The following LRRTM4 variants were observed in gnomAD, a reference collection of about 807,000 sequenced individuals.
LRRTM4 encodes leucine-rich repeat transmembrane neuronal protein 4.
LRRTM4 carries 25 observed loss-of-function variants against 47.6 expected under a neutral mutation model. The observed-to-expected ratio is 0.53, with a 90% CI of 0.38 to 0.73. The LOEUF (loss-of-function observed/expected upper bound fraction) is 0.73. Ranked by LOEUF, LRRTM4 falls within the 30% of genes least tolerant of loss-of-function variation. The pLI is 0.00. For missense variants in LRRTM4, 638 were observed against 713.4 expected, an observed-to-expected ratio of 0.89 and a Z score of 1.20; for synonymous variants, 311 against 269.5, an observed-to-expected ratio of 1.15 and a Z score of -1.51.
At chr2:76,896,507 A>C (rs998308584) in intron 3 of LRRTM4, among the ~76,000 whole-genome samples, 6 of 152,044 alleles carry the variant, frequency 3.9e-5, no homozygotes, top group African/African-American at 1.4e-4. Flanking sequence ...TTATGTCAGA[A>C]GCAACTTTTC....
intron 3 of LRRTM4, among the ~76,000 whole-genome samples, chr2:77,514,569 T>C (rs1444344890): frequency 6.6e-6 from 1 of 152,040 alleles, no homozygotes; most frequent in Non-Finnish European, 1.5e-5. Context: ...TACACCTATA[T>C]TGTCACCTTT....
chr2:76,918,372 A>C (rs1674323859), intron 3 of LRRTM4, among the ~76,000 whole-genome samples: 1 of 152,160 alleles, frequency 6.6e-6, no homozygotes, highest in Non-Finnish European at 1.5e-5. Context: ...CTTTCTGTCA[A>C]CTCAGGTTTA....
In LRRTM4 at chr2:76,910,241, G is replaced by C. The variant is rs544101290; in HGVS notation, c.1552-161325C>G. 2.2e-3 allele frequency among the ~76,000 whole-genome samples: 333 copies of C among 150,870 alleles called. 6 individuals carry two copies. The highest frequency in any genetic ancestry group is 7.6e-3 in the African/African-American group (313 of 41,122). On this transcript the variant is annotated intron_variant, in intron 3 of 3. Transcript: ENST00000409884. ...AATCATCATTCTCAGCAAACTATCG[G>C]AAGAACAAAAAACCAAACACTGCAT...
At chr2:76,974,213 C>G in intron 3 of LRRTM4, among the ~76,000 whole-genome samples, 1 of 126,426 alleles carries the variant, frequency 7.9e-6, no homozygotes, top group East Asian at 2.1e-4. Flanking sequence ...TATATATACA[C>G]ATATATATAC....
intron 3 of LRRTM4, among the ~76,000 whole-genome samples, chr2:77,227,991 C>T (rs1047742282): frequency 5.3e-5 from 8 of 151,684 alleles, no homozygotes; most frequent in Non-Finnish European, 8.8e-5. Flanking sequence ...ATATCATCTA[C>T]GAGTTATCAG....
chr2:77,090,730 C>A (rs1049495478), intron 3 of LRRTM4, among the ~76,000 whole-genome samples: 7 of 152,164 alleles, frequency 4.6e-5, no homozygotes, highest in Non-Finnish European at 7.3e-5. Context: ...CCATTTGTGC[C>A]AGACCCCACT....
intron 3 of LRRTM4, among the ~76,000 whole-genome samples, chr2:76,913,840 C>G (rs1238221469): frequency 1.3e-5 from 2 of 151,876 alleles, no homozygotes; most frequent in African/African-American, 2.4e-5. Context: ...TGCCCAGCCG[C>G]TATTTCAATT....
At chr2:77,185,030 G>C (rs1673462196) in intron 3 of LRRTM4, among the ~76,000 whole-genome samples, 1 of 152,054 alleles carries the variant, frequency 6.6e-6, no homozygotes, top group African/African-American at 2.4e-5. Flanking sequence ...GTACAGCCAG[G>C]AATGAAAATC....
At chr2:77,033,535 A>T (rs938253894) in intron 3 of LRRTM4, among the ~76,000 whole-genome samples, 2 of 151,934 alleles carry the variant, frequency 1.3e-5, no homozygotes, top group Non-Finnish European at 2.9e-5. Flanking sequence ...TATCAATTTT[A>T]TTGAAGGAGG....
chr2:77,136,576 C>T (rs1671950299), intron 3 of LRRTM4, among the ~76,000 whole-genome samples: 1 of 152,184 alleles, frequency 6.6e-6, no homozygotes, highest in Non-Finnish European at 1.5e-5. Flanking sequence ...CGCCTCTCCC[C>T]TTCCAAAGGA....
intron 3 of LRRTM4, among the ~76,000 whole-genome samples, chr2:76,767,628 G>A (rs1369250772): frequency 6.6e-6 from 1 of 152,126 alleles, no homozygotes. Context: ...GATTTTCAGG[G>A]TAGCATTCAA....
At chr2:76,841,404 A>G (rs921453055) in intron 3 of LRRTM4, among the ~76,000 whole-genome samples, 2 of 152,034 alleles carry the variant, frequency 1.3e-5, no homozygotes, top group African/African-American at 4.8e-5. Context: ...GTGCACATGT[A>G]CCCTAAAACT....
At chr2:76,940,885 CTT>C (rs964612221) in intron 3 of LRRTM4, among the ~76,000 whole-genome samples, 3 of 152,118 alleles carry the variant, frequency 2.0e-5, no homozygotes, top group African/African-American at 7.2e-5. Flanking sequence ...TCTCTCTTTT[CTT>C]TGTTTTGTTG....
intron 3 of LRRTM4, among the ~76,000 whole-genome samples, chr2:76,780,662 A>C (rs1262789308): frequency 6.6e-6 from 1 of 152,044 alleles, no homozygotes; most frequent in African/African-American, 2.4e-5. Flanking sequence ...ACATTCTTCT[A>C]AATTTTTTTC....
intron 3 of LRRTM4, among the ~76,000 whole-genome samples, chr2:76,867,966 C>T (rs1672512067): frequency 6.6e-6 from 1 of 152,116 alleles, no homozygotes; most frequent in Non-Finnish European, 1.5e-5. Flanking sequence ...GAGATCAATT[C>T]TATGAGAACT....
At chr2:77,411,424 C>CTT (rs72056870) in intron 3 of LRRTM4, among the ~76,000 whole-genome samples, 16,138 of 94,296 alleles carry the variant, frequency 0.17, 1,887 homozygotes, top group East Asian at 0.44. Flanking sequence ...TTTCTTGTTT[C>CTT]TCTCTCTCTC....
chr2:77,021,439 T>A (rs1432137710), intron 3 of LRRTM4, among the ~76,000 whole-genome samples: 3 of 152,164 alleles, frequency 2.0e-5, no homozygotes, highest in Non-Finnish European at 1.5e-5. Context: ...TAATGCTTTT[T>A]CAAATTGACT....
chr2:76,804,275 T>G (rs2103786251), intron 3 of LRRTM4, among the ~76,000 whole-genome samples: 1 of 152,316 alleles, frequency 6.6e-6, no homozygotes, highest in South Asian at 2.1e-4. Flanking sequence ...ATTTTTTAAT[T>G]TGTTATTTCT....
intron 3 of LRRTM4, among the ~76,000 whole-genome samples, chr2:76,860,853 A>G (rs930224463): frequency 4.6e-5 from 7 of 152,108 alleles, no homozygotes; most frequent in Non-Finnish European, 1.0e-4. Flanking sequence ...TAATGAATCC[A>G]CATCAAGTAA....
Sources: gnomAD v4.1 joint callset for allele counts (sites outside exome capture counted in the v4.1 genomes callset) on GRCh38, gnomAD v4.1.1 for gene constraint, MANE v1.5 for transcripts, NCBI Gene and HGNC (gene_info 2026-07-23, HGNC 2026-07-21) for gene names.